EDN2: variants seen among roughly 807,000 people sequenced by gnomAD.
The protein encoded by EDN2 is endothelin-2.
Under a neutral mutation model 19.9 loss-of-function variants are expected in EDN2, and 10 were observed. That is an observed-to-expected ratio of 0.50 (90% confidence interval 0.31 to 0.85). The LOEUF (loss-of-function observed/expected upper bound fraction) is 0.85, where lower values mean the gene tolerates loss of function less well. Among genes scored for constraint, EDN2 ranks in the 40% least tolerant of loss-of-function variants. EDN2 has a pLI of 0.05. For synonymous variants in EDN2, 84 were observed against 94.9 expected (o/e 0.89, Z 0.67); for missense variants, 222 against 239.3 (o/e 0.93, Z 0.48).
At chr1:41,482,434 C>T (rs759466563) in intron 3 of EDN2, 32 bp downstream of exon 3, 2 of 1,583,994 alleles carry the variant, frequency 1.3e-6, no homozygotes, top group East Asian at 2.4e-5. Flanking sequence ...TTGCAGCTAC[C>T]CTATGCCCCT....
chr1:41,483,692 CAG>C (rs532312504), intron 2 of EDN2: 228 of 211,284 alleles, frequency 1.1e-3, no homozygotes, highest in Middle Eastern at 1.9e-3. Context: ...GGCAGCATGA[CAG>C]AGACTGTGAG....
chr1:41,479,712 G>A (rs1644231151), intron 4 of EDN2, among the ~76,000 whole-genome samples: 1 of 152,200 alleles, frequency 6.6e-6, no homozygotes, highest in Non-Finnish European at 1.5e-5. Flanking sequence ...GCACATGGGG[G>A]CTTTGACAGA....
In EDN2 at chr1:41,481,115, T is replaced by C; in HGVS notation, c.423A>G (p.Gly141=). ...CTCACCTCAGCCTTTGGAGAAGCTC[T>C]CCTGTAGTGGCCCCTGTCTTGCCAG... The part of the protein sequence containing the change: ...FQTGKTGATT[G]ELLQRLRDIS... Residue 141 remains glycine (G), a synonymous_variant, in exon 4 of 5, where the codon GGA becomes GGG. Transcript: ENST00000372587. The C allele has an allele frequency of 6.2e-7, 1 of 1,614,054 alleles. No individual in the cohort carries two copies. The highest frequency in any genetic ancestry group is 8.5e-7 in the Non-Finnish European group (1 of 1,179,972).
chr1:41,479,256 C>A lies in EDN2; in HGVS notation c.*153G>T, dbSNP rs765672454. On this transcript the variant is annotated 3_prime_UTR_variant, in exon 5 of 5. Transcript: ENST00000372587. ...ACTGCCTTGGACGAGGCTCCCTCAC[C>A]AGGGAGCTTGTGCCAATCCTGGCAA... is the stretch of plus-strand genomic sequence containing the variant. 25 of 735,724 alleles carry A rather than the reference C, an allele frequency of 3.4e-5. No homozygotes were observed. The highest frequency in any genetic ancestry group is 5.5e-5 in the Non-Finnish European group (23 of 414,756). The allele number at this position is 735,724 out of a possible 1,614,324, so 45.6% of individuals were successfully genotyped here.
intron 3 of EDN2, 54 bp downstream of exon 3, chr1:41,482,412 G>T (rs2149038067): frequency 3.9e-6 from 6 of 1,519,786 alleles, no homozygotes; most frequent in Non-Finnish European, 5.3e-6. Context: ...GCTCCCCAGG[G>T]CATGCCCGGG....
intron 4 of EDN2, chr1:41,480,740 G>A (rs541458992): frequency 2.0e-6 from 1 of 489,944 alleles, no homozygotes; most frequent in East Asian, 6.0e-5. Flanking sequence ...GGGCAGCAGA[G>A]AGGGAGCAGG....
intron 3 of EDN2, 108 bp from the exon 4 acceptor site, chr1:41,481,301 C>A (rs991306055): frequency 1.2e-5 from 10 of 819,618 alleles, no homozygotes; most frequent in Admixed American, 2.4e-5. Context: ...CACCTGCCTG[C>A]GGGAGCAGAT....
In EDN2 at chr1:41,479,452, ATGGCCTC is replaced by A. The variant is rs768767034; in HGVS notation, c.487_493del (p.Glu163CysfsTer67). The A allele has an allele frequency of 6.2e-7, 1 of 1,613,994 alleles. No homozygotes were observed. Among genetic ancestry groups the A allele is most frequent in the Non-Finnish European group, 8.5e-7 (1 of 1,179,992 alleles). ...GGAATGTGTGGACCGAGGCTCCCGC[ATGGCCTC>A]CTGTTGTCGCTTGGCAAAGAGGCTC... is the stretch of plus-strand genomic sequence containing the variant. On this transcript the variant is annotated frameshift_variant, in exon 5 of 5. Transcript: ENST00000372587. LOFTEE classifies it high-confidence loss of function.
intron 4 of EDN2, chr1:41,480,846 T>C: frequency 3.1e-6 from 2 of 655,620 alleles, no homozygotes; most frequent in Non-Finnish European, 5.6e-6. Flanking sequence ...TCATGAGCCT[T>C]CAAACCCTCT....
intron 3 of EDN2, 87 bp from the exon 4 acceptor site, chr1:41,481,280 T>G: frequency 9.4e-7 from 1 of 1,059,236 alleles, no homozygotes; most frequent in Non-Finnish European, 1.4e-6. Context: ...CCCCCACCCC[T>G]TCCCCATCCC....
In EDN2 at chr1:41,479,040, T is replaced by C. The variant is rs1295204471; in HGVS notation, c.*369A>G. ...CCAGCCTCCAGGGCTGGCTGAGGCATGCGTGTTCGTGGCTGCACGGTTGCT... is the reference window on the plus strand; with the variant it reads ...CCAGCCTCCAGGGCTGGCTGAGGCACGCGTGTTCGTGGCTGCACGGTTGCT... On this transcript the variant is annotated 3_prime_UTR_variant, in exon 5 of 5. Coordinates refer to ENST00000372587, the MANE Select transcript of EDN2 (RefSeq NM_001956.5). 2.8e-6 allele frequency: 1 copy of C among 356,590 alleles called. No individual in the cohort carries two copies. Among genetic ancestry groups the C allele is most frequent in the Non-Finnish European group, 5.5e-6 (1 of 180,894 alleles). 22.1% of individuals were successfully genotyped at this position (356,590 alleles called of 1,614,324 possible).
At chr1:41,484,244 G>A in intron 1 of EDN2, 41 bp from the exon 2 acceptor site, 2 of 1,598,942 alleles carry the variant, frequency 1.3e-6, no homozygotes, top group Non-Finnish European at 1.7e-6. Flanking sequence ...GAGGTGGGTT[G>A]GGGTGCCTGG....
rs932344047 is a variant in EDN2, at chr1:41,479,043, G to A, written c.*366C>T. 2.0e-5 allele frequency: 7 copies of A among 358,426 alleles called. No individual in the cohort carries two copies. Among genetic ancestry groups the A allele is most frequent in the African/African-American group, 1.3e-4 (6 of 47,084 alleles). 22.2% of individuals were successfully genotyped at this position (358,426 alleles called of 1,614,324 possible). A position where few individuals can be genotyped will look rare whatever the true frequency, so the allele number is the denominator to read the frequency against. On this transcript the variant is annotated 3_prime_UTR_variant, in exon 5 of 5. Transcript: ENST00000372587. ...GCCTCCAGGGCTGGCTGAGGCATGC[G>A]TGTTCGTGGCTGCACGGTTGCTCCT...
intron 3 of EDN2, among the ~76,000 whole-genome samples, chr1:41,482,009 A>G (rs1422225266): frequency 2.0e-5 from 3 of 152,172 alleles, no homozygotes; most frequent in Admixed American, 1.3e-4. Context: ...GGATGGTGAC[A>G]TGGCTTCCCA....
In EDN2 at chr1:41,482,527, G is replaced by A. The variant is rs967704945; in HGVS notation, c.283C>T (p.Arg95Cys). The change falls in exon 3 of 5, where the codon CGC becomes TGC. Residue 95 changes from arginine (R) to cysteine (C), a missense_variant. Coordinates refer to ENST00000372587, the MANE Select transcript of EDN2 (RefSeq NM_001956.5). ...PRRRRRSLPR[R>C]CQCSSARDPA... ...TCCCTGGCACTGGAGCACTGACAGC[G>A]CCTTGGCAGGGAGCGGCGCCGGCGT... 4.4e-6 allele frequency: 7 copies of A among 1,594,210 alleles called. No individual in the cohort carries two copies. Among genetic ancestry groups the A allele is most frequent in the Non-Finnish European group, 5.1e-6 (6 of 1,171,804 alleles).
chr1:41,482,193 C>G (rs1010174007), intron 3 of EDN2, among the ~76,000 whole-genome samples: 5 of 152,236 alleles, frequency 3.3e-5, no homozygotes, highest in Non-Finnish European at 5.9e-5. Context: ...TGAGCTGCCT[C>G]AGCTGTCACT....
rs773347399 is a variant in EDN2, at chr1:41,481,181, C to T, written c.357G>A (p.Gly119=). 6.2e-7 allele frequency: 1 copy of T among 1,613,882 alleles called. No individual in the cohort carries two copies. Among genetic ancestry groups the T allele is most frequent in the Admixed American group, 1.7e-5 (1 of 60,020 alleles). The change falls in exon 4 of 5, where the codon GGG becomes GGA. Residue 119 remains glycine, a synonymous_variant. Coordinates refer to ENST00000372587, the MANE Select transcript of EDN2 (RefSeq NM_001956.5). ...CAGGGGACTTCCGGCTTGGGACTGCCCCGGCTTCAGTCCTACGTGAATAGC... is the reference window on the plus strand; with the variant it reads ...CAGGGGACTTCCGGCTTGGGACTGCTCCGGCTTCAGTCCTACGTGAATAGC... ...FCLRRPWTEA[G]AVPSRKSPAD...
chr1:41,481,691 C>T (rs1329611392), intron 3 of EDN2, among the ~76,000 whole-genome samples: 2 of 152,102 alleles, frequency 1.3e-5, no homozygotes, highest in East Asian at 3.9e-4. Flanking sequence ...AGGCGCCCGC[C>T]ACCATGCCCA....
At chr1:41,479,575 G>A (rs949818058) in intron 4 of EDN2, 73 bp from the exon 5 acceptor site, 1 of 1,317,504 alleles carries the variant, frequency 7.6e-7, no homozygotes, top group South Asian at 1.2e-5. Context: ...TGAGAGCAGG[G>A]GCAATGGGGC....
Sources: allele counts gnomAD v4.1 joint callset (sites outside exome capture counted in the v4.1 genomes callset), GRCh38; gene constraint gnomAD v4.1.1; transcripts MANE v1.5; gene names NCBI Gene and HGNC (gene_info 2026-07-23, HGNC 2026-07-21).